The following MTO1 variants were observed in gnomAD, a reference collection of about 807,000 sequenced individuals.
MTO1 encodes the protein 5-taurinomethyluridine-[tRNA] synthase subunit MTO1, mitochondrial.
A neutral mutation model predicts 71.6 loss-of-function variants in MTO1; 46 were observed. The observed-to-expected ratio is 0.64, with a 90% CI of 0.51 to 0.82. MTO1 has a LOEUF of 0.82. MTO1 is among the 40% of genes least tolerant of loss of function. The pLI is 0.00. For synonymous variants in MTO1, 297 were observed against 312.1 expected (o/e 0.95, Z 0.51); for missense variants, 773 against 867.5 (o/e 0.89, Z 1.37).
chr6:73,461,848 T>C lies in MTO1; in HGVS notation c.-7T>C. On this transcript the variant is annotated 5_prime_UTR_variant, in exon 1 of 12. Coordinates refer to ENST00000498286, the MANE Select transcript of MTO1 (RefSeq NM_012123.4). ...AGCTTCAAAGTCAGATAGATTTTTC[T>C]CCCAGCATGTTCTACTTCCGAGGCT... The C allele has an allele frequency of 6.2e-7, 1 of 1,608,268 alleles. No homozygotes were observed. Among genetic ancestry groups the C allele is most frequent in the Non-Finnish European group, 8.5e-7 (1 of 1,174,992 alleles).
At position 73,480,618 on chromosome 6, in the gene MTO1, A is replaced by G; in HGVS notation, c.1130-57A>G. On this transcript the variant is annotated intron_variant, in intron 6 of 11. Transcript: ENST00000498286. Reference sequence around the variant, plus strand: ...ATTTAAGGGTAATGCTTGCATCTCTACCTTGAGCAAATCCAGCTCTGTATT... The same window carrying G: ...ATTTAAGGGTAATGCTTGCATCTCTGCCTTGAGCAAATCCAGCTCTGTATT... 3.1e-6 allele frequency: 5 copies of G among 1,599,064 alleles called. No individual in the cohort carries two copies. In the South Asian group the frequency reaches 5.5e-5, roughly 18 times the overall value.
chr6:73,480,572 A>G, intron 6 of MTO1, 103 bp from the exon 7 acceptor site: 5 of 1,435,372 alleles, frequency 3.5e-6, no homozygotes, highest in Non-Finnish European at 4.8e-6. Context: ...TCCTGACCTA[A>G]ATAGTCTGTT....
At position 73,482,238 on chromosome 6, in the gene MTO1, C is replaced by T. The variant is rs1318305417; in HGVS notation, c.1459C>T (p.Leu487=). 1.2e-6 allele frequency: 2 copies of T among 1,614,096 alleles called. No individual in the cohort carries two copies. Among genetic ancestry groups the T allele is most frequent in the Non-Finnish European group, 1.7e-6 (2 of 1,180,002 alleles). Residue 487 remains leucine (L), a synonymous_variant, in exon 8 of 12, where the codon CTG becomes TTG. Transcript: ENST00000498286. ...TGATAATGCTGACAGCCGGCTCACA[C>T]TGCGAGGTAACTCTTTCCTGAGTCC... ...RPDNADSRLT[L]RGYKDAGCVS...
rs202008685 is a variant in MTO1, at chr6:73,482,113, G to C, written c.1334G>C (p.Gly445Ala). The C allele has an allele frequency of 6.2e-7, 1 of 1,614,176 alleles. No homozygotes were observed. Among genetic ancestry groups the C allele is most frequent in the East Asian group, 2.2e-5 (1 of 44,886 alleles). ...KPPFVVSRTE[G>A]YIGVLIDDLT... ...CCCTTTGTGGTTAGCCGAACAGAAG[G>C]TTACATAGGAGTCTTGATTGATGAC... The change falls in exon 8 of 12, where the codon GGT (glycine) becomes GCT (alanine). Residue 445 changes from glycine to alanine, a missense_variant. Coordinates refer to ENST00000498286, the MANE Select transcript of MTO1 (RefSeq NM_012123.4).
rs143046967 is a variant in MTO1 at position 73,462,070 on chromosome 6, C to T, written c.216C>T (p.Ile72=). 4 of 1,612,778 alleles carry T rather than the reference C, an allele frequency of 2.5e-6. No individual in the cohort carries two copies. The highest frequency in any genetic ancestry group is 4.5e-5 in the East Asian group (2 of 44,862). ...TCCTCACTCACCGCGTGGACACGAT[C>T]GGTGAGGAGCGCGGGTGCTGTGGAA... The part of the protein sequence containing the change: ...TLLLTHRVDT[I]GQMSCNPSFG... The change falls in exon 1 of 12, where the codon ATC becomes ATT. Residue 72 remains isoleucine, a splice_region_variant and synonymous_variant. Coordinates refer to ENST00000498286, the MANE Select transcript of MTO1 (RefSeq NM_012123.4).
At chr6:73,487,979 C>T (rs1771702754) in intron 9 of MTO1, 1 of 152,208 alleles carries the variant, frequency 6.6e-6, no homozygotes, top group Admixed American at 6.6e-5. Context: ...TCTCCACATA[C>T]TCACCAACAG....
intron 9 of MTO1, among the ~76,000 whole-genome samples, chr6:73,483,036 C>T (rs1429868130): frequency 6.6e-6 from 1 of 151,960 alleles, no homozygotes; most frequent in Non-Finnish European, 1.5e-5. Context: ...TCGTGATCCG[C>T]CCGCCTCGGC....
chr6:73,488,812 G>A (rs1010349694), intron 9 of MTO1, among the ~76,000 whole-genome samples: 6 of 152,126 alleles, frequency 3.9e-5, no homozygotes, highest in Non-Finnish European at 1.5e-5. Flanking sequence ...CAGCTACTGA[G>A]CGGGCTGAAG....
chr6:73,495,592 T>C (rs1176961419), intron 10 of MTO1, among the ~76,000 whole-genome samples: 1 of 152,062 alleles, frequency 6.6e-6, no homozygotes, highest in Non-Finnish European at 1.5e-5. Context: ...GATTGAAATA[T>C]AACACATATC....
rs1771438172 is a variant in MTO1, at chr6:73,479,962, T to A, written c.965T>A (p.Val322Asp). Residue 322 changes from valine to aspartate, a missense_variant, in exon 6 of 12, where the codon GTT becomes GAT. Transcript: ENST00000498286. ...TACTGTCCCTCCATTGAATCAAAAGTTTTGCGTTTTCCAAACCGTCTACAT... is the reference window on the plus strand; with the variant it reads ...TACTGTCCCTCCATTGAATCAAAAGATTTGCGTTTTCCAAACCGTCTACAT... ...PRYCPSIESK[V>D]LRFPNRLHQV... The A allele has an allele frequency of 6.2e-7, 1 of 1,612,798 alleles. No individual in the cohort carries two copies. The highest frequency in any genetic ancestry group is 8.5e-7 in the Non-Finnish European group (1 of 1,179,600).
At position 73,508,973 on chromosome 6, in the gene MTO1, C is replaced by T. The variant is rs1198540595; in HGVS notation, c.*8238C>T. ...GGCCTCAGAAAATGTTGCAGATGCC[C>T]TCACCAGAAGGCTGAGAACCAGTTC... On this transcript the variant is annotated 3_prime_UTR_variant, in exon 12 of 12. Coordinates refer to ENST00000498286, the MANE Select transcript of MTO1 (RefSeq NM_012123.4). 6.6e-6 allele frequency: 1 copy of T among 152,198 alleles called. No individual in the cohort carries two copies. Among genetic ancestry groups the T allele is most frequent in the South Asian group, 2.1e-4 (1 of 4,824 alleles). 9.4% of individuals were successfully genotyped at this position (152,198 alleles called of 1,614,324 possible). A position where few individuals can be genotyped will look rare whatever the true frequency, so the allele number is the denominator to read the frequency against.
chr6:73,500,580 G>A lies in MTO1; in HGVS notation c.1924G>A (p.Ala642Thr). ...LHFSRPQTIG[A>T]ASRIPGVTPA... The stretch of plus-strand genomic sequence containing the variant: ...TTGTGGTATTGATTTTTAGATCGGG[G>A]CTGCTAGTCGCATACCCGGAGTAAC... Residue 642 changes from alanine (A) to threonine (T), a missense_variant, in exon 12 of 12, where the codon GCT (alanine) becomes ACT (threonine). Transcript: ENST00000498286. The A allele has an allele frequency of 1.2e-6, 2 of 1,611,424 alleles. No homozygotes were observed.
intron 4 of MTO1, 93 bp from the exon 5 acceptor site, chr6:73,479,639 T>TTA (rs1467405454): frequency 1.0e-6 from 1 of 968,774 alleles, no homozygotes; most frequent in African/African-American, 1.6e-5. Context: ...TTAGTGTCTA[T>TTA]TAAAGTCAGT....
rs759445569 is a variant in MTO1 at position 73,500,719 on chromosome 6, AAGAG to A, written c.2070_2073del (p.Arg690SerfsTer11). 6.3e-7 allele frequency: 1 copy of A among 1,595,258 alleles called. No homozygotes were observed. The highest frequency in any genetic ancestry group is 8.5e-7 in the Non-Finnish European group (1 of 1,171,860). On this transcript the variant is annotated frameshift_variant, in exon 12 of 12. Coordinates refer to ENST00000498286, the MANE Select transcript of MTO1 (RefSeq NM_012123.4). LOFTEE classifies it high-confidence loss of function. Reference sequence around the variant, plus strand: ...TACTTATGTGATGCAGACAGACTTCAAGAGAGAGAGTTATAGCTTTCAATTCATA... The same window carrying A: ...TACTTATGTGATGCAGACAGACTTCAAGAGAGTTATAGCTTTCAATTCATA...
rs1443511656 is a variant in MTO1, at chr6:73,479,715, T to C, written c.826-17T>C. 6.3e-7 allele frequency: 1 copy of C among 1,576,902 alleles called. No homozygotes were observed. The highest frequency in any genetic ancestry group is 8.7e-7 in the Non-Finnish European group (1 of 1,149,892). On this transcript the variant is annotated splice_polypyrimidine_tract_variant and intron_variant, in intron 4 of 11. Coordinates refer to ENST00000498286, the MANE Select transcript of MTO1 (RefSeq NM_012123.4). ...TAGATAAGCAAATCAGTATTGCATC[T>C]GGTTACTGTTTTTTAGCCAGAAGAT...
Position 73,501,563 on chromosome 6 carries a change from G to T in MTO1, c.*828G>T, listed in dbSNP as rs1023651429. 1 of 152,182 alleles carries T rather than the reference G, an allele frequency of 6.6e-6. No individual in the cohort carries two copies. The highest frequency in any genetic ancestry group is 6.6e-5 in the Admixed American group (1 of 15,262). 9.4% of individuals were successfully genotyped at this position (152,182 alleles called of 1,614,324 possible). ...AGAATGACAGAAAAAACAGAATAGT[G>T]GTAGTACCCCTCTTCCTCTCCAGTA... On this transcript the variant is annotated 3_prime_UTR_variant, in exon 12 of 12. Transcript: ENST00000498286.
At position 73,466,491 on chromosome 6, in the gene MTO1, A is replaced by C; in HGVS notation, c.420A>C (p.Lys140Asn). Residue 140 changes from lysine (K) to asparagine (N), a missense_variant and splice_region_variant, in exon 3 of 12, where the codon AAA (lysine) becomes AAC (asparagine). Transcript: ENST00000498286. Reference sequence around the variant, plus strand: ...CAACTGGCATTTTCTTTTGACAGAAAGAAATCTTGAATACACCACTGCTTA... The same window carrying C: ...CAACTGGCATTTTCTTTTGACAGAACGAAATCTTGAATACACCACTGCTTA... ...DRKLYKQNMQKEILNTPLLTV... is the reference protein window; with the variant it reads ...DRKLYKQNMQNEILNTPLLTV... 6.2e-7 allele frequency: 1 copy of C among 1,614,118 alleles called. No individual in the cohort carries two copies. Among genetic ancestry groups the C allele is most frequent in the Middle Eastern group, 1.7e-4 (1 of 6,060 alleles).
In MTO1 at chr6:73,461,742, A is replaced by AC; in HGVS notation, c.-109dup. 3.4e-6 allele frequency: 4 copies of AC among 1,168,582 alleles called. No homozygotes were observed. The highest frequency in any genetic ancestry group is 1.5e-5 in the South Asian group (1 of 67,828). 72.4% of individuals were successfully genotyped at this position (1,168,582 alleles called of 1,614,324 possible). On this transcript the variant is annotated 5_prime_UTR_variant, in exon 1 of 12. Transcript: ENST00000498286. ...CGGCGACGCTGGACGTAGACGTCCT[A>AC]CCCCGTGATATTAAAGCAAGATGGC...
At chr6:73,483,759 C>T (rs1171241232) in intron 9 of MTO1, among the ~76,000 whole-genome samples, 2 of 150,460 alleles carry the variant, frequency 1.3e-5, no homozygotes, top group African/African-American at 2.4e-5. Flanking sequence ...GTTGGGATTA[C>T]AGGCGCCTGC....
Sources: allele counts gnomAD v4.1 joint callset (sites outside exome capture counted in the v4.1 genomes callset), GRCh38; gene constraint gnomAD v4.1.1; transcripts MANE v1.5; gene names NCBI Gene and HGNC (gene_info 2026-07-23, HGNC 2026-07-21).